Variants in IFTAP observed in about 807,000 individuals in gnomAD.
IFTAP encodes the protein intraflagellar transport associated protein.
In IFTAP, 19 loss-of-function variants were observed where a neutral mutation model predicts 19.4. That is an observed-to-expected ratio of 0.98 (90% confidence interval 0.68 to 1.44). The LOEUF (loss-of-function observed/expected upper bound fraction) is 1.44, where lower values mean the gene tolerates loss of function less well. IFTAP is among the 40% of genes most tolerant of loss of function. The pLI is 0.00. For missense variants in IFTAP, 240 were observed against 253.6 expected (o/e 0.95, Z 0.36); for synonymous variants, 85 against 83.5 (o/e 1.02, Z -0.10).
intron 3 of IFTAP, 96 bp downstream of exon 3, chr11:36,633,534 A>G: frequency 1.0e-6 from 1 of 966,156 alleles, no homozygotes; most frequent in Non-Finnish European, 1.4e-6. Flanking sequence ...CTAGACAGTT[A>G]TTAGATCTGT....
chr11:36,608,156 A>G (rs1002178504), intron 1 of IFTAP, among the ~76,000 whole-genome samples: 1 of 152,234 alleles, frequency 6.6e-6, no homozygotes. Context: ...TTCCATTTTT[A>G]GAAAAAATCT....
chr11:36,639,468 G>T (rs1346178483), intron 4 of IFTAP, among the ~76,000 whole-genome samples: 1 of 152,096 alleles, frequency 6.6e-6, no homozygotes, highest in African/African-American at 2.4e-5. Context: ...GAATACCTGA[G>T]GCTGGGTAAA....
At chr11:36,656,440 T>G (rs1853990659) in intron 5 of IFTAP, among the ~76,000 whole-genome samples, 1 of 152,018 alleles carries the variant, frequency 6.6e-6, no homozygotes, top group Non-Finnish European at 1.5e-5. Flanking sequence ...CCTGGTGGTA[T>G]GCACCAGTTG....
intron 2 of IFTAP, among the ~76,000 whole-genome samples, chr11:36,614,238 G>T (rs1327069319): frequency 6.9e-6 from 1 of 144,608 alleles, no homozygotes; most frequent in Non-Finnish European, 1.5e-5. Context: ...TCCCTACAAA[G>T]GACATGAACT....
intron 2 of IFTAP, among the ~76,000 whole-genome samples, chr11:36,624,459 A>G (rs1453498906): frequency 6.6e-6 from 1 of 152,176 alleles, no homozygotes; most frequent in African/African-American, 2.4e-5. Flanking sequence ...CTGGCTGGAA[A>G]TTGGGAATCA....
chr11:36,622,320 C>G (rs1271067979), intron 2 of IFTAP, among the ~76,000 whole-genome samples: 1 of 152,044 alleles, frequency 6.6e-6, no homozygotes, highest in East Asian at 1.9e-4. Flanking sequence ...CTCCTCCTAA[C>G]TTTCTCCAGT....
In IFTAP at chr11:36,610,160, C is replaced by A. The variant is rs12294126; in HGVS notation, c.57C>A (p.Asp19Glu). ...TGGATGAAGATCAATTAATCAAAGA[C>A]GTCTTGGATAAATTCCTTAATTGTC... ...EIMDEDQLIK[D>E]VLDKFLNCHE... is the part of the protein sequence containing the mutation. Residue 19 changes from aspartate to glutamate, a missense_variant, in exon 2 of 6, where the codon GAC becomes GAA. Coordinates refer to ENST00000334307, the MANE Select transcript of IFTAP (RefSeq NM_138787.4). 1 of 1,611,214 alleles carries A rather than the reference C, an allele frequency of 6.2e-7. No individual in the cohort carries two copies. The highest frequency in any genetic ancestry group is 1.7e-5 in the Admixed American group (1 of 59,962).
intron 1 of IFTAP, among the ~76,000 whole-genome samples, chr11:36,600,952 T>G (rs934287079): frequency 2.0e-5 from 3 of 152,192 alleles, no homozygotes; most frequent in African/African-American, 7.2e-5. Flanking sequence ...AAAGTTTACA[T>G]AAATTGACAA....
At chr11:36,656,319 C>T (rs958331505) in intron 5 of IFTAP, among the ~76,000 whole-genome samples, 1 of 152,176 alleles carries the variant, frequency 6.6e-6, no homozygotes, top group African/African-American at 2.4e-5. Flanking sequence ...CCTGTAATCC[C>T]AGCACTCTGG....
intron 5 of IFTAP, among the ~76,000 whole-genome samples, chr11:36,652,771 G>A (rs1057300348): frequency 6.6e-6 from 1 of 152,102 alleles, no homozygotes; most frequent in African/African-American, 2.4e-5. Flanking sequence ...AAGGGCTGTT[G>A]AATTTTGTCA....
rs74978729 is a variant in IFTAP at position 36,648,812 on chromosome 11, G to A, written c.498+657G>A. 2.2e-3 allele frequency among the ~76,000 whole-genome samples: 338 copies of A among 152,206 alleles called. 4 individuals carry two copies. The highest frequency in any genetic ancestry group is 0.015 in the East Asian group (79 of 5,168). ...CTTAGGACTCAGGGTCCTTAATGTC[G>A]GCTCACATTCCATTGGTGACCACTT... On this transcript the variant is annotated intron_variant, in intron 5 of 5. Coordinates refer to ENST00000334307, the MANE Select transcript of IFTAP (RefSeq NM_138787.4).
chr11:36,610,017 A>G, intron 1 of IFTAP, 64 bp from the exon 2 acceptor site: 1 of 1,449,794 alleles, frequency 6.9e-7, no homozygotes, highest in Non-Finnish European at 9.4e-7. Flanking sequence ...CTACCCATCC[A>G]GAATATTTTC....
chr11:36,642,069 C>A (rs2133486257), intron 4 of IFTAP, among the ~76,000 whole-genome samples: 1 of 152,100 alleles, frequency 6.6e-6, no homozygotes, highest in East Asian at 1.9e-4. Flanking sequence ...GGTTTAAAGT[C>A]TGTTTTATCA....
rs181102809 is a variant in IFTAP at position 36,649,119 on chromosome 11, A to G, written c.498+964A>G. Among the ~76,000 whole-genome samples, 338 of 152,256 alleles carry G rather than the reference A, an allele frequency of 2.2e-3. 1 individual carries two copies. The highest frequency in any genetic ancestry group is 3.5e-3 in the Non-Finnish European group (235 of 68,000). On this transcript the variant is annotated intron_variant, in intron 5 of 5. Transcript: ENST00000334307. Reference sequence around the variant, plus strand: ...ATTATTGCTTTCTAACAAAATCCTTAGGGTCTTTTTGGATTATTTAATCAT... The same window carrying G: ...ATTATTGCTTTCTAACAAAATCCTTGGGGTCTTTTTGGATTATTTAATCAT...
At chr11:36,597,440 A>C (rs1381854047) in intron 1 of IFTAP, among the ~76,000 whole-genome samples, 1 of 152,252 alleles carries the variant, frequency 6.6e-6, no homozygotes, top group Non-Finnish European at 1.5e-5. Flanking sequence ...AGGTCAACAC[A>C]TTAAAGATTC....
chr11:36,639,720 G>C (rs971810011), intron 4 of IFTAP, among the ~76,000 whole-genome samples: 2 of 152,042 alleles, frequency 1.3e-5, no homozygotes, highest in Admixed American at 6.6e-5. Context: ...CGTTCCTGAG[G>C]GATCTACTCT....
rs777061864 is a variant in IFTAP at position 36,648,163 on chromosome 11, A to T, written c.498+8A>T. On this transcript the variant is annotated splice_region_variant and intron_variant, in intron 5 of 5. Coordinates refer to ENST00000334307, the MANE Select transcript of IFTAP (RefSeq NM_138787.4). Reference sequence around the variant, plus strand: ...GACAAACAGACGGAAGAGGTACTCCACAGGGAATTCAGTCATTCTCCACAC... The same window carrying T: ...GACAAACAGACGGAAGAGGTACTCCTCAGGGAATTCAGTCATTCTCCACAC... 1.9e-6 allele frequency: 3 copies of T among 1,611,622 alleles called. No homozygotes were observed. The highest frequency in any genetic ancestry group is 2.5e-6 in the Non-Finnish European group (3 of 1,178,750).
At chr11:36,608,267 A>AT in intron 1 of IFTAP, among the ~76,000 whole-genome samples, 1 of 152,332 alleles carries the variant, frequency 6.6e-6, no homozygotes. Context: ...GAGTCAGGAG[A>AT]TACTTAAAGG....
chr11:36,610,155 A>G lies in IFTAP; in HGVS notation c.52A>G (p.Lys18Glu), dbSNP rs1851827326. ...LEIMDEDQLI[K>E]DVLDKFLNCH... ...AATAATGGATGAAGATCAATTAATC[A>G]AAGACGTCTTGGATAAATTCCTTAA... Residue 18 changes from lysine (K) to glutamate (E), a missense_variant, in exon 2 of 6, where the codon AAA becomes GAA. Physicochemically the swap from Lys to Glu is moderately conservative, Grantham distance 56 (BLOSUM62 1). Coordinates refer to ENST00000334307, the MANE Select transcript of IFTAP (RefSeq NM_138787.4). 6.2e-7 allele frequency: 1 copy of G among 1,611,414 alleles called. No homozygotes were observed. Among genetic ancestry groups the G allele is most frequent in the African/African-American group, 1.3e-5 (1 of 74,828 alleles).
Sources: gnomAD v4.1 joint callset for allele counts (sites outside exome capture counted in the v4.1 genomes callset) on GRCh38, gnomAD v4.1.1 for gene constraint, MANE v1.5 for transcripts, NCBI Gene and HGNC (gene_info 2026-07-23, HGNC 2026-07-21) for gene names.